FLNB: variants seen among roughly 807,000 people sequenced by gnomAD.
FLNB encodes filamin-B.
A neutral mutation model predicts 250.6 loss-of-function variants in FLNB; 111 were observed. That is an observed-to-expected ratio of 0.44 (90% CI 0.38 to 0.52). The LOEUF (loss-of-function observed/expected upper bound fraction) is 0.52, where lower values mean the gene tolerates loss of function less well. Among genes scored for constraint, FLNB ranks in the 20% least tolerant of loss-of-function variants. The pLI, the probability that FLNB is intolerant of heterozygous loss-of-function variation, is 0.00. For synonymous variants in FLNB, 1,302 were observed against 1,372.1 expected, an observed-to-expected ratio of 0.95 and a Z score of 1.13; for missense variants, 2,869 against 3,447.8, an observed-to-expected ratio of 0.83 and a Z score of 4.20.
intron 9 of FLNB, among the ~76,000 whole-genome samples, chr3:58,103,714 C>T (rs1339543376): frequency 6.6e-6 from 1 of 152,148 alleles, no homozygotes; most frequent in African/African-American, 2.4e-5. Flanking sequence ...AGCAAGATTT[C>T]TAAAGCCAAT....
chr3:58,105,831 A>G (rs1165483534), intron 11 of FLNB, among the ~76,000 whole-genome samples: 1 of 152,224 alleles, frequency 6.6e-6, no homozygotes, highest in Non-Finnish European at 1.5e-5. Flanking sequence ...TGGCCTTCAG[A>G]CTGTCGTTTA....
chr3:58,124,644 C>A, intron 22 of FLNB, 139 bp downstream of exon 22: 1 of 930,398 alleles, frequency 1.1e-6, no homozygotes, highest in South Asian at 1.4e-5. Flanking sequence ...GAGTGGAAGT[C>A]AGCGTCCGCT....
At position 58,106,882 on chromosome 3, in the gene FLNB, G is replaced by T. The variant is rs374205476; in HGVS notation, c.1941+9G>T. ...GCTACAACCCTGATCTGGTGAATCA[G>T]CTGCTGTGCTTCTGTCTTCTTGTCC... On this transcript the variant is annotated intron_variant, in intron 12 of 45. Transcript: ENST00000295956. The T allele has an allele frequency of 1.3e-5, 21 of 1,611,810 alleles. No individual in the cohort carries two copies. Among genetic ancestry groups the T allele is most frequent in the Non-Finnish European group, 1.8e-5 (21 of 1,178,900 alleles).
At chr3:58,168,687 C>G in intron 44 of FLNB, 29 bp downstream of exon 44, 1 of 1,507,538 alleles carries the variant, frequency 6.6e-7, no homozygotes, top group Non-Finnish European at 9.2e-7. Flanking sequence ...CGGAGTTACT[C>G]TCCCTTCCTG....
intron 19 of FLNB, among the ~76,000 whole-genome samples, chr3:58,119,581 C>G (rs556816117): frequency 6.6e-6 from 1 of 152,212 alleles, no homozygotes; most frequent in South Asian, 2.1e-4. Context: ...AAATTTCAAA[C>G]AGAAAAGGAA....
intron 4 of FLNB, among the ~76,000 whole-genome samples, chr3:58,087,970 C>T (rs1194602390): frequency 6.6e-6 from 1 of 151,308 alleles, no homozygotes; most frequent in Non-Finnish European, 1.5e-5. Flanking sequence ...GAACTGCTGA[C>T]CTTGGGTGAT....
intron 42 of FLNB, among the ~76,000 whole-genome samples, chr3:58,160,393 T>G (rs2107310074): frequency 6.6e-6 from 1 of 152,252 alleles, no homozygotes; most frequent in African/African-American, 2.4e-5. Context: ...CATAATAAAT[T>G]TATTAAGTGT....
At position 58,169,828 on chromosome 3, in the gene FLNB, G is replaced by GC; in HGVS notation, c.7621+36dup. 1.8e-5 allele frequency: 22 copies of GC among 1,198,348 alleles called. No individual in the cohort carries two copies. The highest frequency in any genetic ancestry group is 2.7e-5 in the Non-Finnish European group (22 of 812,002). 74.2% of individuals were successfully genotyped at this position (1,198,348 alleles called of 1,614,324 possible). ...TGGGCCTTTTCAAGGGTGGGGTGGG[G>GC]CAGGGGCAGGCTGGGCACCCTGGGT... On this transcript the variant is annotated intron_variant, in intron 45 of 45. Transcript: ENST00000295956. This position sits in a 1 kb window ranked among gnomAD's most constrained non-coding sequence, Gnocchi z 4.8.
At chr3:58,035,296 T>G (rs1418715575) in intron 1 of FLNB, among the ~76,000 whole-genome samples, 1 of 152,220 alleles carries the variant, frequency 6.6e-6, no homozygotes, top group Non-Finnish European at 1.5e-5. Context: ...TGCTTGAGGT[T>G]TCTTTTAAGC....
At chr3:58,154,243 C>T (rs1052206755) in intron 39 of FLNB, among the ~76,000 whole-genome samples, 4 of 152,042 alleles carry the variant, frequency 2.6e-5, no homozygotes, top group South Asian at 2.1e-4. Flanking sequence ...TGTGCCTGGC[C>T]GGTTAAGATG....
At chr3:58,166,784 C>T (rs557904056) in intron 43 of FLNB, among the ~76,000 whole-genome samples, 2 of 151,598 alleles carry the variant, frequency 1.3e-5, no homozygotes, top group Admixed American at 6.6e-5. Context: ...ATCATGCCAC[C>T]GTACTCCAGC....
At chr3:58,037,647 G>A (rs1232819272) in intron 1 of FLNB, among the ~76,000 whole-genome samples, 2 of 152,252 alleles carry the variant, frequency 1.3e-5, no homozygotes, top group African/African-American at 4.8e-5. Context: ...TAGAATCCTT[G>A]TAAAATGGCC....
At position 58,078,175 on chromosome 3, in the gene FLNB, AT is replaced by A. The variant is rs967703377; in HGVS notation, c.542-539del. ...AAAATTCAAAGTGCAGCATTAATTGATTTCCTAATATCCTCTTCTTTACTTC... is the reference window on the plus strand; with the variant it reads ...AAAATTCAAAGTGCAGCATTAATTGATTCCTAATATCCTCTTCTTTACTTC... On this transcript the variant is annotated intron_variant, in intron 2 of 45. Transcript: ENST00000295956. The A allele has an allele frequency of 1.9e-5, 14 of 718,798 alleles. No homozygotes were observed. In the African/African-American group the frequency reaches 2.7e-4, roughly 14 times the overall value. 44.5% of individuals were successfully genotyped at this position (718,798 alleles called of 1,614,324 possible).
intron 1 of FLNB, among the ~76,000 whole-genome samples, chr3:58,024,100 A>G (rs1162878439): frequency 6.6e-6 from 1 of 152,130 alleles, no homozygotes; most frequent in Admixed American, 6.5e-5. Flanking sequence ...CCATTTCCCA[A>G]TAGCCCTGAG....
chr3:58,132,094 C>T (rs1206601391), intron 25 of FLNB: 2 of 950,852 alleles, frequency 2.1e-6, no homozygotes, highest in East Asian at 5.3e-5. Flanking sequence ...AAATTGCTTA[C>T]ACCTGCCTCA....
intron 1 of FLNB, among the ~76,000 whole-genome samples, chr3:58,053,504 G>A (rs1328542405): frequency 6.6e-6 from 1 of 152,090 alleles, no homozygotes; most frequent in Non-Finnish European, 1.5e-5. Flanking sequence ...GCTGTCACCC[G>A]GGCTGGAGTG....
intron 1 of FLNB, among the ~76,000 whole-genome samples, chr3:58,055,623 G>A (rs1488998918): frequency 6.6e-6 from 1 of 152,232 alleles, no homozygotes; most frequent in African/African-American, 2.4e-5. Context: ...GTGCTGTGGT[G>A]TGTAGTAGGG....
At chr3:58,020,824 C>T (rs1298911740) in intron 1 of FLNB, among the ~76,000 whole-genome samples, 1 of 151,574 alleles carries the variant, frequency 6.6e-6, no homozygotes, top group African/African-American at 2.4e-5. Context: ...TTGTGGCAGG[C>T]ACTATGTAAA....
rs565805369 is a variant in FLNB at position 58,034,293 on chromosome 3, A to G, written c.292+25437A>G. On this transcript the variant is annotated intron_variant, in intron 1 of 45. Coordinates refer to ENST00000295956, the MANE Select transcript of FLNB (RefSeq NM_001457.4). ...CGTTTAACTGTTCAAGAAACTGCCAAACTGTTTCCCAAAGTGGTTGTATTG... is the reference window on the plus strand; with the variant it reads ...CGTTTAACTGTTCAAGAAACTGCCAGACTGTTTCCCAAAGTGGTTGTATTG... Among the ~76,000 whole-genome samples the G allele has an allele frequency of 4.6e-5, 7 of 152,338 alleles. No homozygotes were observed. In the South Asian group the frequency reaches 1.0e-3, roughly 23 times the overall value.
Sources: allele counts gnomAD v4.1 joint callset (sites outside exome capture counted in the v4.1 genomes callset), GRCh38; gene constraint gnomAD v4.1.1; non-coding constraint Gnocchi (gnomAD v3.1); transcripts MANE v1.5; gene names NCBI Gene and HGNC (gene_info 2026-07-23, HGNC 2026-07-21).